Variants in SLC30A8 observed in about 807,000 individuals in gnomAD.
SLC30A8 encodes proton-coupled zinc antiporter SLC30A8.
A neutral mutation model predicts 36.9 loss-of-function variants in SLC30A8; 27 were observed. That is an observed-to-expected ratio of 0.73 (90% CI 0.54 to 1.01). The LOEUF is 1.01. Ranked by LOEUF, SLC30A8 falls within the 50% of genes least tolerant of loss-of-function variation. SLC30A8 has a pLI of 0.00. For missense variants in SLC30A8, 439 were observed against 452.0 expected (o/e 0.97, Z 0.26); for synonymous variants, 164 against 172.4 (o/e 0.95, Z 0.38).
At chr8:116,954,760 G>GT (rs1696662865) in intron 1 of SLC30A8, among the ~76,000 whole-genome samples, 1 of 152,148 alleles carries the variant, frequency 6.6e-6, no homozygotes, top group Non-Finnish European at 1.5e-5. Flanking sequence ...GTGATGTCAA[G>GT]TTTCTTTTTA....
At chr8:117,160,380 T>A (rs1822714717) in intron 4 of SLC30A8, among the ~76,000 whole-genome samples, 1 of 151,982 alleles carries the variant, frequency 6.6e-6, no homozygotes, top group East Asian at 1.9e-4. Context: ...ACCAGTGGAC[T>A]TATTGTAATT....
intron 2 of SLC30A8, among the ~76,000 whole-genome samples, chr8:117,072,060 A>G (rs1818348653): frequency 6.6e-6 from 1 of 152,228 alleles, no homozygotes; most frequent in Admixed American, 6.5e-5. Flanking sequence ...AGGCATTAAC[A>G]TACGATTGGA....
At chr8:117,016,245 C>T (rs533294722) in intron 1 of SLC30A8, among the ~76,000 whole-genome samples, 139 of 152,286 alleles carry the variant, frequency 9.1e-4, no homozygotes, top group African/African-American at 3.2e-3. Flanking sequence ...ACCTTGCGCA[C>T]AGAAAATGCT....
chr8:117,092,075 C>T (rs1306200922), intron 2 of SLC30A8, among the ~76,000 whole-genome samples: 4 of 152,114 alleles, frequency 2.6e-5, no homozygotes, highest in Non-Finnish European at 5.9e-5. Context: ...TTTCTTTACT[C>T]ATCATTAATC....
Position 117,006,461 on chromosome 8 carries a change from G to GA in SLC30A8, c.-265-32751dup, listed in dbSNP as rs371289657. 2.1e-3 allele frequency among the ~76,000 whole-genome samples: 313 copies of GA among 152,094 alleles called. 3 individuals are homozygous for GA. Among genetic ancestry groups the GA allele is most frequent in the African/African-American group, 6.9e-3 (288 of 41,516 alleles). ...TGTGTGTTTCTTTTATTTTACCAGGGAAAAAAATGTTTTCCCCAGAAGACC... is the reference window on the plus strand; with the variant it reads ...TGTGTGTTTCTTTTATTTTACCAGGGAAAAAAAATGTTTTCCCCAGAAGACC... On this transcript the variant is annotated intron_variant, in intron 1 of 10. Coordinates refer to the SLC30A8 transcript ENST00000427715.
chr8:117,047,511 C>T (rs1005197598), intron 2 of SLC30A8, among the ~76,000 whole-genome samples: 1 of 152,088 alleles, frequency 6.6e-6, no homozygotes, highest in Non-Finnish European at 1.5e-5. Context: ...TTATTGAGTA[C>T]AGTTTCAAGG....
At chr8:117,168,008 CAGG>C (rs1392552356) in intron 6 of SLC30A8, among the ~76,000 whole-genome samples, 1 of 152,074 alleles carries the variant, frequency 6.6e-6, no homozygotes, top group East Asian at 1.9e-4. Flanking sequence ...AGAGCTTTTT[CAGG>C]AGAACTCCCA....
chr8:117,154,030 A>G (rs976129646), intron 3 of SLC30A8, among the ~76,000 whole-genome samples: 1 of 152,118 alleles, frequency 6.6e-6, no homozygotes, highest in African/African-American at 2.4e-5. Flanking sequence ...AGCATAAACA[A>G]CTTGGAGGTC....
chr8:117,073,576 C>T (rs1563579581), intron 2 of SLC30A8, among the ~76,000 whole-genome samples: 2 of 152,158 alleles, frequency 1.3e-5, no homozygotes, highest in Non-Finnish European at 2.9e-5. Flanking sequence ...TCTTTCTACT[C>T]TACAAATAGT....
At chr8:117,103,926 A>G (rs1233447581) in intron 2 of SLC30A8, among the ~76,000 whole-genome samples, 1 of 152,168 alleles carries the variant, frequency 6.6e-6, no homozygotes, top group Non-Finnish European at 1.5e-5. Context: ...AACCCTGAAT[A>G]GTCTTCTGTG....
At chr8:116,999,808 A>T (rs2130682559) in intron 1 of SLC30A8, among the ~76,000 whole-genome samples, 1 of 151,764 alleles carries the variant, frequency 6.6e-6, no homozygotes, top group African/African-American at 2.4e-5. Context: ...TTTCACATTT[A>T]TAAGGAAAAG....
chr8:117,052,436 GC>G (rs1817739367), intron 2 of SLC30A8, among the ~76,000 whole-genome samples: 1 of 152,176 alleles, frequency 6.6e-6, no homozygotes, highest in Non-Finnish European at 1.5e-5. Flanking sequence ...CATTAATTAG[GC>G]CTGGGAATGA....
chr8:117,073,134 A>G (rs1232157970), intron 2 of SLC30A8, among the ~76,000 whole-genome samples: 1 of 151,916 alleles, frequency 6.6e-6, no homozygotes, highest in African/African-American at 2.4e-5. Flanking sequence ...AAAAATGTTC[A>G]TTTTCCACTT....
intron 2 of SLC30A8, among the ~76,000 whole-genome samples, chr8:117,071,120 A>G (rs984559360): frequency 6.6e-6 from 1 of 152,188 alleles, no homozygotes; most frequent in Admixed American, 6.5e-5. Flanking sequence ...AGGAGCCTCC[A>G]TACTGTTGTC....
At chr8:117,149,456 C>G (rs1215268221) in intron 2 of SLC30A8, among the ~76,000 whole-genome samples, 3 of 152,148 alleles carry the variant, frequency 2.0e-5, no homozygotes, top group African/African-American at 7.2e-5. Context: ...TATTGTTAAT[C>G]TCACTTTATA....
chr8:117,057,962 C>T (rs1049273518), intron 2 of SLC30A8, among the ~76,000 whole-genome samples: 4 of 152,136 alleles, frequency 2.6e-5, no homozygotes, highest in Admixed American at 2.6e-4. Context: ...TGAGGAAATT[C>T]CATACTGTTT....
At chr8:117,084,854 A>G (rs1282662457) in intron 2 of SLC30A8, among the ~76,000 whole-genome samples, 1 of 152,186 alleles carries the variant, frequency 6.6e-6, no homozygotes, top group Non-Finnish European at 1.5e-5. Context: ...TTTTGACTCT[A>G]TTCCTTGCAA....
At chr8:117,026,013 T>C (rs1321928365) in intron 1 of SLC30A8, among the ~76,000 whole-genome samples, 1 of 152,166 alleles carries the variant, frequency 6.6e-6, no homozygotes, top group Non-Finnish European at 1.5e-5. Context: ...GTTCGTAGCA[T>C]GGAGCTGCAC....
upstream of SLC30A8, chr8:116,950,534 C>G (rs1813959749): frequency 6.6e-6 from 1 of 152,218 alleles, no homozygotes; most frequent in South Asian, 2.1e-4. Flanking sequence ...AAATATTTTC[C>G]TAAGGCGTCT....
Sources: gnomAD v4.1 joint callset for allele counts (sites outside exome capture counted in the v4.1 genomes callset) on GRCh38, gnomAD v4.1.1 for gene constraint, MANE v1.5 for transcripts, NCBI Gene and HGNC (gene_info 2026-07-23, HGNC 2026-07-21) for gene names.